Variants in GRIK3 observed in about 807,000 individuals in gnomAD.
GRIK3 encodes glutamate ionotropic receptor kainate type subunit 3.
Under a neutral mutation model 102.5 loss-of-function variants are expected in GRIK3, and 29 were observed. The ratio of observed to expected loss-of-function variants is 0.28; its 90% CI spans 0.21 to 0.39. The LOEUF (loss-of-function observed/expected upper bound fraction) is 0.39, where lower values mean the gene tolerates loss of function less well. GRIK3 is among the 10% of genes least tolerant of loss of function. GRIK3 has a pLI of 1.00. For synonymous variants in GRIK3, 511 were observed against 504.9 expected, an observed-to-expected ratio of 1.01 and a Z score of -0.16; for missense variants, 908 against 1,252.4, an observed-to-expected ratio of 0.73 and a Z score of 4.15.
chr1:36,971,970 A>G (rs1030856154), intron 1 of GRIK3, among the ~76,000 whole-genome samples: 7 of 152,194 alleles, frequency 4.6e-5, no homozygotes, highest in African/African-American at 1.4e-4. Context: ...ACCACTCCCC[A>G]GGGCCTGGCA....
chr1:36,880,715 C>A lies in GRIK3; in HGVS notation c.469G>T (p.Ala157Ser). 4 of 1,614,110 alleles carry A rather than the reference C, an allele frequency of 2.5e-6. No individual in the cohort carries two copies. The highest frequency in any genetic ancestry group is 3.4e-6 in the Non-Finnish European group (4 of 1,179,966). Reference protein sequence around the residue: ...TFYVNLYPDYASLSHAILDLV... With the variant: ...TFYVNLYPDYSSLSHAILDLV... ...TCGAGGATGGCATGGCTGAGCGAGGCGTAGTCGGGGTAGAGGTTCACGTAG... is the reference window on the plus strand; with the variant it reads ...TCGAGGATGGCATGGCTGAGCGAGGAGTAGTCGGGGTAGAGGTTCACGTAG... Residue 157 changes from alanine (A) to serine (S), a missense_variant, in exon 3 of 16, where the codon GCC becomes TCC. Physicochemically the swap from Ala to Ser is moderately conservative, Grantham distance 99 (BLOSUM62 1). Coordinates refer to ENST00000373091, the MANE Select transcript of GRIK3 (RefSeq NM_000831.4). This position sits in a 1 kb window ranked among gnomAD's most constrained non-coding sequence, Gnocchi z 5.4.
chr1:36,826,303 T>G (rs1487145397), intron 10 of GRIK3, among the ~76,000 whole-genome samples: 1 of 152,206 alleles, frequency 6.6e-6, no homozygotes, highest in Admixed American at 6.5e-5. Context: ...TTCACCACAT[T>G]CTGGATTTTC....
At chr1:36,804,580 C>A in intron 15 of GRIK3, 1 of 309,136 alleles carries the variant, frequency 3.2e-6, no homozygotes, top group East Asian at 5.7e-5. Flanking sequence ...GTAGAGAGAA[C>A]AGTATAATGA....
At chr1:36,929,618 C>T (rs1341246907) in intron 1 of GRIK3, among the ~76,000 whole-genome samples, 1 of 152,028 alleles carries the variant, frequency 6.6e-6, no homozygotes, top group Admixed American at 6.5e-5. Flanking sequence ...TAGTTTTTTT[C>T]CTCAGTGAAT....
chr1:36,819,684 C>T lies in GRIK3; in HGVS notation c.1873+52G>A, dbSNP rs565565324. 7 of 953,638 alleles carry T rather than the reference C, an allele frequency of 7.3e-6. No individual in the cohort carries two copies. The highest frequency in any genetic ancestry group is 2.1e-4 in the Middle Eastern group (1 of 4,778). The allele number at this position is 953,638 out of a possible 1,614,324, so 59.1% of individuals were successfully genotyped here. On this transcript the variant is annotated intron_variant, in intron 12 of 15. Coordinates refer to ENST00000373091, the MANE Select transcript of GRIK3 (RefSeq NM_000831.4). The surrounding 1 kb of genome is among the most constrained non-coding windows in gnomAD (Gnocchi z 4.1). The stretch of plus-strand genomic sequence containing the variant: ...TGCTGATGCCAAAGAGGCTGAAGAC[C>T]GCTTGGGGAAAGCAGACCCTGGAAG...
intron 5 of GRIK3, among the ~76,000 whole-genome samples, chr1:36,861,020 T>C (rs947643932): frequency 5.9e-5 from 9 of 152,222 alleles, no homozygotes; most frequent in African/African-American, 1.4e-4. Context: ...ATAGAGGAGA[T>C]ACTCCCCAAG....
intron 1 of GRIK3, among the ~76,000 whole-genome samples, chr1:37,033,521 C>T (rs1642853427): frequency 6.6e-6 from 1 of 152,176 alleles, no homozygotes; most frequent in Admixed American, 6.5e-5. Flanking sequence ...GAATCTGTGC[C>T]CTGCGACCTC....
At chr1:36,879,846 T>G (rs992196028) in intron 3 of GRIK3, among the ~76,000 whole-genome samples, 5 of 152,238 alleles carry the variant, frequency 3.3e-5, no homozygotes, top group Admixed American at 6.5e-5. Flanking sequence ...CTCCTCTTTC[T>G]GTCCTGGCAG....
chr1:36,868,719 T>C (rs913681341), intron 5 of GRIK3, among the ~76,000 whole-genome samples: 2 of 152,218 alleles, frequency 1.3e-5, no homozygotes, highest in African/African-American at 4.8e-5. Context: ...TGCTGTTCCT[T>C]CTGCATACAA....
chr1:36,944,800 G>A (rs929952867), intron 1 of GRIK3, among the ~76,000 whole-genome samples: 1 of 152,196 alleles, frequency 6.6e-6, no homozygotes, highest in Non-Finnish European at 1.5e-5. Flanking sequence ...CCACCTTGAC[G>A]TCTCAAGGCT....
Position 36,934,147 on chromosome 1 carries a change from G to A in GRIK3, c.116-43051C>T, listed in dbSNP as rs115171209. Among the ~76,000 whole-genome samples the A allele has an allele frequency of 6.5e-3, 991 of 152,252 alleles. 9 individuals carry two copies. The highest frequency in any genetic ancestry group is 0.023 in the African/African-American group (956 of 41,540). Reference sequence around the variant, plus strand: ...CTTCCCTGAGGTCCTGGTAGCATTGGATGGCACAGGGTGGTAAGGACACAA... The same window carrying A: ...CTTCCCTGAGGTCCTGGTAGCATTGAATGGCACAGGGTGGTAAGGACACAA... On this transcript the variant is annotated intron_variant, in intron 1 of 15. Coordinates refer to ENST00000373091, the MANE Select transcript of GRIK3 (RefSeq NM_000831.4).
chr1:36,935,210 C>A (rs954845990), intron 1 of GRIK3, among the ~76,000 whole-genome samples: 1 of 151,834 alleles, frequency 6.6e-6, no homozygotes, highest in Non-Finnish European at 1.5e-5. Flanking sequence ...AGCACGGTGC[C>A]TGACACATAG....
intron 1 of GRIK3, among the ~76,000 whole-genome samples, chr1:36,926,980 T>C (rs1641534086): frequency 6.6e-6 from 1 of 152,220 alleles, no homozygotes; most frequent in Non-Finnish European, 1.5e-5. Context: ...GAAGCTCTTT[T>C]CTAAAGTTGA....
intron 1 of GRIK3, among the ~76,000 whole-genome samples, chr1:36,911,600 T>C (rs1467096418): frequency 6.6e-6 from 1 of 152,038 alleles, no homozygotes; most frequent in African/African-American, 2.4e-5. Context: ...TTCCGGGGCC[T>C]GGTGGCAGTT....
At chr1:36,887,761 A>ATAT (rs1310176712) in intron 2 of GRIK3, among the ~76,000 whole-genome samples, 3 of 55,316 alleles carry the variant, frequency 5.4e-5, no homozygotes, top group African/African-American at 2.2e-4. Context: ...CATCTCAAAA[A>ATAT]AAAAAAAAAA....
chr1:36,804,321 A>G (rs1278078194), intron 15 of GRIK3, among the ~76,000 whole-genome samples: 1 of 152,238 alleles, frequency 6.6e-6, no homozygotes, highest in Non-Finnish European at 1.5e-5. Context: ...GTTTTGTAAA[A>G]GCATAATGCT....
At chr1:36,959,126 ATGAACCTGTGTGTCCTG>A in intron 1 of GRIK3, among the ~76,000 whole-genome samples, 1 of 104,584 alleles carries the variant, frequency 9.6e-6, no homozygotes, top group Middle Eastern at 8.9e-3. Flanking sequence ...TCTGTGCCCC[ATGAACCTGTGTGTCCTG>A]TGAGCCTGTG....
chr1:36,806,037 GGACGCGGGGGTGGAGCC>G lies in GRIK3; in HGVS notation c.2314+50_2314+66del. On this transcript the variant is annotated intron_variant, in intron 14 of 15. Transcript: ENST00000373091. This position sits in a 1 kb window ranked among gnomAD's most constrained non-coding sequence, Gnocchi z 4.0. Reference sequence around the variant, plus strand: ...ATGAGCTGTGAGACGGAGTGTGAGGGGACGCGGGGGTGGAGCCCTCCCTCTGCCCACACACCCACCCC... The same window carrying G: ...ATGAGCTGTGAGACGGAGTGTGAGGGCTCCCTCTGCCCACACACCCACCCC... The G allele has an allele frequency of 9.9e-7, 1 of 1,009,026 alleles. No individual in the cohort carries two copies. The highest frequency in any genetic ancestry group is 1.5e-6 in the Non-Finnish European group (1 of 651,418). 62.5% of individuals were successfully genotyped at this position (1,009,026 alleles called of 1,614,324 possible). A position where few individuals can be genotyped will look rare whatever the true frequency, so the allele number is the denominator to read the frequency against.
At chr1:36,908,452 T>G (rs1428942069) in intron 1 of GRIK3, among the ~76,000 whole-genome samples, 1 of 152,176 alleles carries the variant, frequency 6.6e-6, no homozygotes, top group Non-Finnish European at 1.5e-5. Flanking sequence ...CATCTGATTG[T>G]CCTGGGTTCT....
Sources: gnomAD v4.1 joint callset for allele counts (sites outside exome capture counted in the v4.1 genomes callset) on GRCh38, gnomAD v4.1.1 for gene constraint, Gnocchi (gnomAD v3.1) non-coding constraint, MANE v1.5 for transcripts, NCBI Gene and HGNC (gene_info 2026-07-23, HGNC 2026-07-21) for gene names.